The following BZW2 variants were observed in gnomAD, a reference collection of about 807,000 sequenced individuals.
BZW2 encodes the protein basic leucine zipper and W2 domains 2.
A neutral mutation model predicts 53.2 loss-of-function variants in BZW2; 23 were observed. That is an observed-to-expected ratio of 0.43 (90% confidence interval 0.31 to 0.61). The LOEUF (loss-of-function observed/expected upper bound fraction) is 0.61, where lower values mean the gene tolerates loss of function less well. Ranked by LOEUF, BZW2 falls within the 20% of genes least tolerant of loss-of-function variation. BZW2 has a pLI of 0.09. For missense variants in BZW2, 409 were observed against 503.1 expected (o/e 0.81, Z 1.79); for synonymous variants, 227 against 186.4 (o/e 1.22, Z -1.77).
intron 3 of BZW2, among the ~76,000 whole-genome samples, chr7:16,674,915 G>T (rs1340860824): frequency 6.6e-6 from 1 of 152,010 alleles, no homozygotes; most frequent in Non-Finnish European, 1.5e-5. Context: ...GGTAATTTCT[G>T]CAAAATACTA....
In BZW2 at chr7:16,697,061, G is replaced by A. The variant is rs1783518886; in HGVS notation, c.969G>A (p.Lys323=). 6.2e-7 allele frequency: 1 copy of A among 1,613,630 alleles called. No homozygotes were observed. Among genetic ancestry groups the A allele is most frequent in the Non-Finnish European group, 8.5e-7 (1 of 1,179,856 alleles). ...CAGAGCAGGCTCTGAAGCACCTGAA[G>A]GTAACAGCCCTTAGCAAGGAACTGA... The part of the protein sequence containing the change: ...LVAEQALKHL[K]QYAPLLAVFS... Residue 323 remains lysine, a splice_region_variant and synonymous_variant, in exon 9 of 12, where the codon AAG becomes AAA. Transcript: ENST00000258761.
chr7:16,697,519 A>G (rs1783537260), intron 9 of BZW2, among the ~76,000 whole-genome samples: 1 of 152,204 alleles, frequency 6.6e-6, no homozygotes, highest in African/African-American at 2.4e-5. Flanking sequence ...AGCAGTGAGT[A>G]AACTGTCCAT....
chr7:16,679,795 G>A (rs549678228), intron 3 of BZW2, among the ~76,000 whole-genome samples: 1 of 152,136 alleles, frequency 6.6e-6, no homozygotes, highest in Admixed American at 6.5e-5. Context: ...AGAAACATTT[G>A]TTGTGTATAT....
chr7:16,697,260 C>G (rs1049574544), intron 9 of BZW2, among the ~76,000 whole-genome samples, 199 bp downstream of exon 9: 1 of 152,108 alleles, frequency 6.6e-6, no homozygotes, highest in African/African-American at 2.4e-5. Flanking sequence ...TGGCTAATTT[C>G]TTCATTTTTT....
chr7:16,697,880 A>C (rs151037210), intron 9 of BZW2, 168 bp from the exon 10 acceptor site: 1 of 725,376 alleles, frequency 1.4e-6, no homozygotes, highest in Non-Finnish European at 2.2e-6. Flanking sequence ...CTTTGTTCCT[A>C]CTGTTCTGTT....
rs112462717 is a variant in BZW2 at position 16,697,113 on chromosome 7, T to TTTTGTTTGTTTG, written c.969+65_969+76dup. 6 of 1,569,694 alleles carry TTTTGTTTGTTTG rather than the reference T, an allele frequency of 3.8e-6. No homozygotes were observed. The African/African-American group carries it at 8.3e-5, about 22-fold the overall frequency. ...CCAGCCAAGGGCAAACTGCAGCTTTTTTTGTTTGTTTGTTTGTTTGTTTGA... is the reference window on the plus strand; with the variant it reads ...CCAGCCAAGGGCAAACTGCAGCTTTTTTTGTTTGTTTGTTTGTTTGTTTGTTTGTTTGTTTGA... On this transcript the variant is annotated intron_variant, in intron 9 of 11. Transcript: ENST00000258761.
At chr7:16,677,055 T>C (rs1433659350) in intron 3 of BZW2, among the ~76,000 whole-genome samples, 1 of 147,638 alleles carries the variant, frequency 6.8e-6, no homozygotes, top group Non-Finnish European at 1.5e-5. Flanking sequence ...AGATTTCTTT[T>C]TTTTTTTTTT....
chr7:16,705,759 A>G (rs1783833980), intron 11 of BZW2, among the ~76,000 whole-genome samples: 1 of 149,346 alleles, frequency 6.7e-6, no homozygotes, highest in African/African-American at 2.4e-5. Context: ...GTTTAATTTT[A>G]TATATATTCA....
At chr7:16,667,453 G>T (rs1006180842) in intron 2 of BZW2, among the ~76,000 whole-genome samples, 1 of 152,204 alleles carries the variant, frequency 6.6e-6, no homozygotes, top group Non-Finnish European at 1.5e-5. Flanking sequence ...CACATGTAAT[G>T]ATCTTGCAGG....
intron 6 of BZW2, chr7:16,688,408 T>G (rs1016825618): frequency 3.3e-5 from 5 of 152,228 alleles, no homozygotes; most frequent in Admixed American, 6.5e-5. Flanking sequence ...TTATCTTTCC[T>G]TCAGCTGATT....
intron 11 of BZW2, 86 bp from the exon 12 acceptor site, chr7:16,705,974 G>A: frequency 6.8e-7 from 1 of 1,470,736 alleles, no homozygotes; most frequent in Non-Finnish European, 9.5e-7. Flanking sequence ...TGCAATGGCA[G>A]GGTTCTGGGT....
chr7:16,655,638 C>T (rs1479120434), intron 1 of BZW2, among the ~76,000 whole-genome samples: 1 of 152,166 alleles, frequency 6.6e-6, no homozygotes, highest in Non-Finnish European at 1.5e-5. Flanking sequence ...AACTGTAACT[C>T]TGTACCTGTT....
At chr7:16,673,231 C>T (rs1782663178) in intron 2 of BZW2, among the ~76,000 whole-genome samples, 1 of 152,198 alleles carries the variant, frequency 6.6e-6, no homozygotes, top group African/African-American at 2.4e-5. Context: ...CAGGCGTGAG[C>T]CACCACGCCC....
Position 16,682,852 on chromosome 7 carries a change from A to C in BZW2, c.405+7A>C. The C allele has an allele frequency of 6.5e-7, 1 of 1,548,988 alleles. No individual in the cohort carries two copies. The highest frequency in any genetic ancestry group is 8.9e-7 in the Non-Finnish European group (1 of 1,129,736). On this transcript the variant is annotated splice_region_variant and intron_variant, in intron 5 of 11. Coordinates refer to ENST00000258761, the MANE Select transcript of BZW2 (RefSeq NM_014038.3). ...TGAAGATGAAATGAAAAAGGTAAAA[A>C]TTCAAATATAATGCCTATCTGTTTT... is the stretch of plus-strand genomic sequence containing the variant.
intron 2 of BZW2, among the ~76,000 whole-genome samples, chr7:16,665,940 C>T (rs1365962294): frequency 6.6e-6 from 1 of 152,068 alleles, no homozygotes; most frequent in Non-Finnish European, 1.5e-5. Flanking sequence ...AAATCTACTG[C>T]CCTAAATTCC....
At chr7:16,648,970 G>C (rs1047808640) in intron 1 of BZW2, among the ~76,000 whole-genome samples, 1 of 152,090 alleles carries the variant, frequency 6.6e-6, no homozygotes, top group Non-Finnish European at 1.5e-5. Flanking sequence ...CTCTTGGCAA[G>C]GGTTATAAGT....
intron 7 of BZW2, 76 bp downstream of exon 7, chr7:16,689,982 A>G (rs1783251516): frequency 1.9e-6 from 2 of 1,045,064 alleles, no homozygotes; most frequent in African/African-American, 1.6e-5. Flanking sequence ...AATGTAGTAT[A>G]TGAGTAAGAT....
At chr7:16,677,275 T>C (rs1302389670) in intron 3 of BZW2, among the ~76,000 whole-genome samples, 1 of 152,178 alleles carries the variant, frequency 6.6e-6, no homozygotes, top group Non-Finnish European at 1.5e-5. Flanking sequence ...CTTTACTACC[T>C]GATTGGTCGG....
chr7:16,683,017 G>A (rs1355836531), intron 5 of BZW2, among the ~76,000 whole-genome samples, 172 bp downstream of exon 5: 1 of 151,996 alleles, frequency 6.6e-6, no homozygotes, highest in Non-Finnish European at 1.5e-5. Context: ...CCAAGATGCT[G>A]AAACCCTGTC....
Sources: allele counts gnomAD v4.1 joint callset (sites outside exome capture counted in the v4.1 genomes callset), GRCh38; gene constraint gnomAD v4.1.1; transcripts MANE v1.5; gene names NCBI Gene and HGNC (gene_info 2026-07-23, HGNC 2026-07-21).